Variants in BTAF1 observed in about 807,000 individuals in gnomAD.
BTAF1 encodes TATA-binding protein-associated factor 172.
Under a neutral mutation model 227.1 loss-of-function variants are expected in BTAF1, and 38 were observed. The observed-to-expected ratio is 0.17, with a 90% CI of 0.13 to 0.22. The LOEUF (loss-of-function observed/expected upper bound fraction) is 0.22. BTAF1 is among the 10% of genes least tolerant of loss of function. The pLI, the probability that BTAF1 is intolerant of heterozygous loss-of-function variation, is 1.00. For missense variants in BTAF1, 1,598 were observed against 2,204.0 expected, an observed-to-expected ratio of 0.73 and a Z score of 5.51; for synonymous variants, 742 against 751.9, an observed-to-expected ratio of 0.99 and a Z score of 0.21.
chr10:91,959,333 A>G (rs1846320988), intron 9 of BTAF1, 179 bp downstream of exon 9: 1 of 1,321,666 alleles, frequency 7.6e-7, no homozygotes, highest in South Asian at 1.6e-5. Flanking sequence ...ATAAGAGGCT[A>G]GTTGAGAGGT....
chr10:92,007,432 G>T (rs1849999433), intron 25 of BTAF1, among the ~76,000 whole-genome samples: 2 of 151,926 alleles, frequency 1.3e-5, no homozygotes, highest in South Asian at 4.1e-4. Flanking sequence ...GGCCAGGCTG[G>T]TCTTGAACTC....
intron 25 of BTAF1, among the ~76,000 whole-genome samples, chr10:92,002,347 T>C (rs1849606207): frequency 6.6e-6 from 1 of 152,212 alleles, no homozygotes; most frequent in African/African-American, 2.4e-5. Context: ...GTGATTTTTA[T>C]AGAGGCTCTA....
chr10:91,991,089 AC>A (rs1277438398), intron 20 of BTAF1, among the ~76,000 whole-genome samples: 1 of 151,110 alleles, frequency 6.6e-6, no homozygotes, highest in African/African-American at 2.4e-5. Context: ...TACTAAAAAT[AC>A]AAAAAATCAG....
intron 11 of BTAF1, among the ~76,000 whole-genome samples, chr10:91,961,715 C>T (rs1393266158): frequency 1.3e-5 from 2 of 152,136 alleles, no homozygotes; most frequent in Non-Finnish European, 1.5e-5. Context: ...GAAATATTAT[C>T]CCTATTTCGT....
chr10:91,929,403 A>G (rs1429777510), intron 1 of BTAF1, among the ~76,000 whole-genome samples: 1 of 152,246 alleles, frequency 6.6e-6, no homozygotes. Context: ...GATTTCTCAC[A>G]TATCTTTGCA....
intron 23 of BTAF1, among the ~76,000 whole-genome samples, chr10:91,995,454 A>G (rs1389440412): frequency 1.3e-5 from 2 of 152,014 alleles, no homozygotes; most frequent in Admixed American, 6.6e-5. Flanking sequence ...AGGTGGGTGA[A>G]TCACGAGGTC....
intron 25 of BTAF1, among the ~76,000 whole-genome samples, chr10:92,004,192 C>A (rs1219896727): frequency 6.6e-6 from 1 of 152,014 alleles, no homozygotes; most frequent in Admixed American, 6.6e-5. Context: ...CTCTTCAGTC[C>A]GTTGATTGTC....
In BTAF1 at chr10:91,996,385, C is replaced by T. The variant is rs1422217560; in HGVS notation, c.3326C>T (p.Pro1109Leu). 6.2e-7 allele frequency: 1 copy of T among 1,613,888 alleles called. No homozygotes were observed. Among genetic ancestry groups the T allele is most frequent in the East Asian group, 2.2e-5 (1 of 44,872 alleles). Residue 1109 changes from proline (P) to leucine (L), a missense_variant, in exon 24 of 38, where the codon CCA becomes CTA. Coordinates refer to ENST00000265990, the MANE Select transcript of BTAF1 (RefSeq NM_003972.3). ...TGTTTTTAGTTGGTCCAGCATTTGC[C>T]ACATCTTTATATGTGCCTTCAATAC... ...ELHPLLVQHL[P>L]HLYMCLQYPS...
chr10:91,937,894 G>A (rs796854926), intron 2 of BTAF1, among the ~76,000 whole-genome samples: 17 of 152,290 alleles, frequency 1.1e-4, no homozygotes, highest in African/African-American at 3.8e-4. Context: ...GTTTTCAACA[G>A]TAGTGTATGA....
At chr10:91,939,898 A>G in intron 2 of BTAF1, 54 bp from the exon 3 acceptor site, 1 of 1,204,514 alleles carries the variant, frequency 8.3e-7, no homozygotes, top group Non-Finnish European at 1.2e-6. Context: ...TGTTCTGGCT[A>G]CCTTGCGCAA....
intron 2 of BTAF1, among the ~76,000 whole-genome samples, chr10:91,936,284 G>C (rs1280883228): frequency 6.6e-6 from 1 of 152,146 alleles, no homozygotes; most frequent in Admixed American, 6.5e-5. Context: ...TATGCGTATT[G>C]AAGTGTACCT....
chr10:92,025,541 T>G (rs548508155), intron 35 of BTAF1, among the ~76,000 whole-genome samples: 1 of 151,940 alleles, frequency 6.6e-6, no homozygotes. Flanking sequence ...GCGCGGTGAC[T>G]CATGCCTGTA....
chr10:91,989,424 T>G lies in BTAF1; in HGVS notation c.2698T>G (p.Cys900Gly). The G allele has an allele frequency of 6.2e-7, 1 of 1,614,182 alleles. No individual in the cohort carries two copies. The highest frequency in any genetic ancestry group is 1.1e-5 in the South Asian group (1 of 91,090). ...ACTAGTGCAAAACTATGCAGCTCAG[T>G]GCATAGCTAAACTCCTTCAGCAGTG... ...NTLVQNYAAQ[C>G]IAKLLQQCTT... Residue 900 changes from cysteine (C) to glycine (G), a missense_variant, in exon 20 of 38, where the codon TGC (cysteine) becomes GGC (glycine). Physicochemically the swap from Cys to Gly is radical, Grantham distance 159. Around this residue, in one of 10 missense-constraint regions of BTAF1, gnomAD observed 425 missense variants for 491.2 expected, o/e 0.87. Transcript: ENST00000265990.
chr10:91,942,175 TCTGGAGG>T (rs1320390471), intron 3 of BTAF1, among the ~76,000 whole-genome samples: 5 of 152,180 alleles, frequency 3.3e-5, no homozygotes, highest in East Asian at 3.9e-4. Flanking sequence ...TCCTAGCTAC[TCTGGAGG>T]CTGAGGCAGA....
chr10:91,964,045 T>C (rs1389650291), intron 12 of BTAF1, 32 bp from the exon 13 acceptor site: 3 of 1,610,134 alleles, frequency 1.9e-6, no homozygotes, highest in Non-Finnish European at 2.5e-6. Flanking sequence ...TTGTGCAAAA[T>C]TGATAACTTT....
chr10:91,947,412 A>C (rs191146329), intron 4 of BTAF1, among the ~76,000 whole-genome samples: 2 of 152,212 alleles, frequency 1.3e-5, no homozygotes, highest in Non-Finnish European at 2.9e-5. Context: ...GTCCAACTTC[A>C]TTCTTTTGCA....
At chr10:92,023,895 A>G (rs1851311168) in intron 34 of BTAF1, among the ~76,000 whole-genome samples, 1 of 152,082 alleles carries the variant, frequency 6.6e-6, no homozygotes, top group African/African-American at 2.4e-5. Context: ...TGGCCTCCCA[A>G]AGTGCTGGGA....
At chr10:91,987,092 C>G (rs1848446184) in intron 19 of BTAF1, among the ~76,000 whole-genome samples, 1 of 146,226 alleles carries the variant, frequency 6.8e-6, no homozygotes, top group Non-Finnish European at 1.5e-5. Context: ...TCACTTCACA[C>G]TGAACACAAC....
Position 91,951,553 on chromosome 10 carries a change from T to G in BTAF1, c.551T>G (p.Val184Gly). Residue 184 changes from valine (V) to glycine (G), a missense_variant, in exon 5 of 38, where the codon GTT becomes GGT. Around this residue, in one of 10 missense-constraint regions of BTAF1, gnomAD observed 298 missense variants for 395.2 expected, o/e 0.75. Coordinates refer to ENST00000265990, the MANE Select transcript of BTAF1 (RefSeq NM_003972.3). ...LDYTPTSASF[V>G]NKQPTLQAAE... Reference sequence around the variant, plus strand: ...TATACCCCAACTTCAGCATCCTTTGTTAACAAACAACCTGTAGGTAAAACG... The same window carrying G: ...TATACCCCAACTTCAGCATCCTTTGGTAACAAACAACCTGTAGGTAAAACG... 1 of 1,599,552 alleles carries G rather than the reference T, an allele frequency of 6.3e-7. No homozygotes were observed. The highest frequency in any genetic ancestry group is 1.7e-4 in the Middle Eastern group (1 of 6,018).
Sources: gnomAD v4.1 joint callset for allele counts (sites outside exome capture counted in the v4.1 genomes callset) on GRCh38, gnomAD v4.1.1 for gene constraint, gnomAD v4.1.1 regional missense constraint, MANE v1.5 for transcripts, NCBI Gene and HGNC (gene_info 2026-07-23, HGNC 2026-07-21) for gene names.